The following NUP153 variants were observed in gnomAD, a reference collection of about 807,000 sequenced individuals.
NUP153 encodes the protein nucleoporin 153.
NUP153 carries 27 observed loss-of-function variants against 134.6 expected under a neutral mutation model. That is an observed-to-expected ratio of 0.20 (90% CI 0.15 to 0.28). The LOEUF is 0.28. Ranked by LOEUF, NUP153 falls within the 10% of genes least tolerant of loss-of-function variation. The pLI, the probability that NUP153 is intolerant of heterozygous loss-of-function variation, is 1.00. For missense variants in NUP153, 1,821 were observed against 1,731.3 expected, an observed-to-expected ratio of 1.05 and a Z score of -0.92; for synonymous variants, 640 against 623.5, an observed-to-expected ratio of 1.03 and a Z score of -0.40.
Position 17,688,524 on chromosome 6 carries a change from G to A in NUP153, c.206C>T (p.Ser69Leu), listed in dbSNP as rs1769083130. The A allele has an allele frequency of 2.5e-6, 4 of 1,614,052 alleles. No individual in the cohort carries two copies. Among genetic ancestry groups the A allele is most frequent in the Non-Finnish European group, 3.4e-6 (4 of 1,179,954 alleles). Residue 69 changes from serine (S) to leucine (L), a missense_variant, in exon 2 of 22, where the codon TCA (serine) becomes TTA (leucine). Physicochemically the swap from Ser to Leu is moderately radical, Grantham distance 145. Transcript: ENST00000262077. ...GCGTGGAACCTCGCTTGTGTCTGTT[G>A]AACAGCTGCATACATCTTCATTCTT... ...FNKNEDVCSC[S>L]TDTSEVPRWP...
Position 17,665,253 on chromosome 6 carries a change from C to G in NUP153, c.1201G>C (p.Asp401His). 2.5e-6 allele frequency: 4 copies of G among 1,605,306 alleles called. No homozygotes were observed. Among genetic ancestry groups the G allele is most frequent in the Non-Finnish European group, 3.4e-6 (4 of 1,172,244 alleles). ...GEFRKTNQRIDNKCSTGYEKN... is the reference protein window; with the variant it reads ...GEFRKTNQRIHNKCSTGYEKN... Reference sequence around the variant, plus strand: ...CATATACTCACACTGCACTTGTTATCTATTCTTTGATTAGTCTTCCTGAAT... The same window carrying G: ...CATATACTCACACTGCACTTGTTATGTATTCTTTGATTAGTCTTCCTGAAT... The change falls in exon 9 of 22, where the codon GAT becomes CAT. Residue 401 changes from aspartate (D) to histidine (H), a missense_variant. Physicochemically the swap from Asp to His is moderately conservative, Grantham distance 81. Transcript: ENST00000262077.
In NUP153 at chr6:17,696,522, G is replaced by A. The variant is rs187495190; in HGVS notation, c.112-7904C>T. Among the ~76,000 whole-genome samples, 196 of 152,276 alleles carry A rather than the reference G, an allele frequency of 1.3e-3. 2 individuals are homozygous for A. In the East Asian group the frequency reaches 0.035, roughly 27 times the overall value. On this transcript the variant is annotated intron_variant, in intron 1 of 21. Transcript: ENST00000262077. Reference sequence around the variant, plus strand: ...TGTAATCCCAGTACTTTGAGAGGCCGAGGCGGGTGGATCACAAGGTCAGGA... The same window carrying A: ...TGTAATCCCAGTACTTTGAGAGGCCAAGGCGGGTGGATCACAAGGTCAGGA...
rs1765674697 is a variant in NUP153, at chr6:17,638,438, G to C, written c.1847-668C>G. ...GCCAAAGAAAAAGAAATTAAAAGGA[G>C]AGAAGATGTAGAAGGTTATTAGAGG... is the stretch of plus-strand genomic sequence containing the variant. On this transcript the variant is annotated intron_variant, in intron 15 of 21. Coordinates refer to ENST00000262077, the MANE Select transcript of NUP153 (RefSeq NM_005124.4). The surrounding 1 kb of genome is among the most constrained non-coding windows in gnomAD (Gnocchi z 4.0). Among the ~76,000 whole-genome samples the C allele has an allele frequency of 1.3e-5, 2 of 152,310 alleles. No individual in the cohort carries two copies. The highest frequency in any genetic ancestry group is 4.1e-4 in the South Asian group (2 of 4,832).
In NUP153 at chr6:17,629,179, T is replaced by C. The variant is rs774487966; in HGVS notation, c.3020A>G (p.Gln1007Arg). 1 of 1,613,124 alleles carries C rather than the reference T, an allele frequency of 6.2e-7. No homozygotes were observed. Among genetic ancestry groups the C allele is most frequent in the South Asian group, 1.1e-5 (1 of 90,756 alleles). Residue 1007 changes from glutamine (Q) to arginine (R), a missense_variant, in exon 18 of 22, where the codon CAG (glutamine) becomes CGG (arginine). Transcript: ENST00000262077. ...PFQFGVSNLGQEEKKEELPKS... is the reference protein window; with the variant it reads ...PFQFGVSNLGREEKKEELPKS... ...GGGCAGTTCCTCTTTCTTTTCTTCC[T>C]GTCCAAGATTAGATACCCCAAATTG...
chr6:17,661,933 A>C, intron 10 of NUP153, 85 bp downstream of exon 10: 1 of 1,272,882 alleles, frequency 7.9e-7, no homozygotes, highest in Non-Finnish European at 1.1e-6. Flanking sequence ...CTTTGATTTT[A>C]ATCTTCAAAA....
intron 11 of NUP153, among the ~76,000 whole-genome samples, chr6:17,657,521 G>A (rs1766903467): frequency 6.6e-6 from 1 of 152,056 alleles, no homozygotes; most frequent in African/African-American, 2.4e-5. Flanking sequence ...CCAAGATCGT[G>A]CACTCCAGCC....
At chr6:17,641,095 T>C (rs898069780) in intron 14 of NUP153, among the ~76,000 whole-genome samples, 2 of 152,314 alleles carry the variant, frequency 1.3e-5, no homozygotes, top group Non-Finnish European at 2.9e-5. Flanking sequence ...ACATTTTCAG[T>C]GTGATAATGG....
chr6:17,649,094 T>C (rs1766368536), intron 12 of NUP153, 69 bp downstream of exon 12: 6 of 1,343,570 alleles, frequency 4.5e-6, no homozygotes, highest in Non-Finnish European at 6.1e-6. Context: ...GTTTATAATA[T>C]AGGGTTTTTT....
chr6:17,620,955 T>C (rs577594627), intron 20 of NUP153, among the ~76,000 whole-genome samples: 2 of 152,326 alleles, frequency 1.3e-5, no homozygotes, highest in African/African-American at 4.8e-5. Context: ...GTTTGCTAAC[T>C]ATTCATCCAA....
intron 20 of NUP153, among the ~76,000 whole-genome samples, chr6:17,621,790 TAAC>T (rs1561850382): frequency 2.7e-5 from 4 of 146,490 alleles, no homozygotes; most frequent in Admixed American, 6.7e-5. Context: ...ACAGTAGAGT[TAAC>T]AATAATTTAT....
At chr6:17,626,249 T>C in intron 18 of NUP153, 85 bp from the exon 19 acceptor site, 1 of 983,714 alleles carries the variant, frequency 1.0e-6, no homozygotes, top group Non-Finnish European at 1.5e-6. Flanking sequence ...ATTGCTAGAA[T>C]TTTCCTACCC....
chr6:17,668,349 G>C (rs1561889566), intron 8 of NUP153, among the ~76,000 whole-genome samples: 1 of 151,794 alleles, frequency 6.6e-6, no homozygotes, highest in Non-Finnish European at 1.5e-5. Context: ...CAAAGTGCTA[G>C]GATTACAGGC....
intron 2 of NUP153, among the ~76,000 whole-genome samples, chr6:17,681,639 G>A (rs1277235632): frequency 6.6e-6 from 1 of 152,042 alleles, no homozygotes. Context: ...AAATCTGCTG[G>A]TATAGGTATT....
chr6:17,686,701 G>A (rs1481502892), intron 2 of NUP153, among the ~76,000 whole-genome samples: 1 of 151,306 alleles, frequency 6.6e-6, no homozygotes, highest in East Asian at 1.9e-4. Flanking sequence ...AAAAAAAACA[G>A]TACTATAGAA....
intron 20 of NUP153, among the ~76,000 whole-genome samples, chr6:17,621,166 T>C (rs992867378): frequency 1.3e-5 from 2 of 152,154 alleles, no homozygotes; most frequent in Non-Finnish European, 2.9e-5. Context: ...CACAATGAGG[T>C]AGCATTTCAC....
At chr6:17,620,787 T>C (rs1764608336) in intron 20 of NUP153, among the ~76,000 whole-genome samples, 1 of 152,086 alleles carries the variant, frequency 6.6e-6, no homozygotes, top group Non-Finnish European at 1.5e-5. Flanking sequence ...AGCCAAAAGA[T>C]AGGACCCCCC....
rs1316392538 is a variant in NUP153, at chr6:17,618,268, T to C, written c.4175-1573A>G. ...ATCAATGTAGAAAGGATTTAAGTGG[T>C]ATTTACGTGTCCTACACTCATAACA... On this transcript the variant is annotated intron_variant, in intron 20 of 21. Transcript: ENST00000262077. Among the ~76,000 whole-genome samples the C allele has an allele frequency of 2.6e-5, 4 of 152,318 alleles. No individual in the cohort carries two copies. The East Asian group carries it at 7.7e-4, about 29-fold the overall frequency.
rs553858752 is a variant in NUP153, at chr6:17,701,275, A to C, written c.111+5002T>G. ...CCAGGTGCAGTGGCTCACGCTTATA[A>C]TCCCAGCACTTTGAGAGGCCGAGGA... On this transcript the variant is annotated intron_variant, in intron 1 of 21. Coordinates refer to ENST00000262077, the MANE Select transcript of NUP153 (RefSeq NM_005124.4). 9.9e-5 allele frequency among the ~76,000 whole-genome samples: 15 copies of C among 151,994 alleles called. No individual in the cohort carries two copies. The East Asian group carries it at 2.5e-3, about 26-fold the overall frequency.
At position 17,669,513 on chromosome 6, in the gene NUP153, G is replaced by A; in HGVS notation, c.886C>T (p.Leu296Phe). The A allele has an allele frequency of 6.2e-7, 1 of 1,613,908 alleles. No individual in the cohort carries two copies. Among genetic ancestry groups the A allele is most frequent in the Non-Finnish European group, 8.5e-7 (1 of 1,179,814 alleles). The change falls in exon 6 of 22, where the codon CTC becomes TTC. Residue 296 changes from leucine to phenylalanine, a missense_variant. Physicochemically the swap from Leu to Phe is conservative, Grantham distance 22. Coordinates refer to ENST00000262077, the MANE Select transcript of NUP153 (RefSeq NM_005124.4). ...PVRRQMKAKQ[L>F]SAQSYGVTSS... ...GTCACACCGTAAGATTGTGCACTGAGTTGCTTAGCTTTCATTTGTCTTCTA... is the reference window on the plus strand; with the variant it reads ...GTCACACCGTAAGATTGTGCACTGAATTGCTTAGCTTTCATTTGTCTTCTA...
Sources: gnomAD v4.1 joint callset for allele counts (sites outside exome capture counted in the v4.1 genomes callset) on GRCh38, gnomAD v4.1.1 for gene constraint, Gnocchi (gnomAD v3.1) non-coding constraint, MANE v1.5 for transcripts, NCBI Gene and HGNC (gene_info 2026-07-23, HGNC 2026-07-21) for gene names.